ZNF254: variants seen among roughly 807,000 people sequenced by gnomAD.
ZNF254 encodes zinc finger protein 254.
Under a neutral mutation model 12.4 loss-of-function variants are expected in ZNF254, and 10 were observed. The ratio of observed to expected loss-of-function variants is 0.80; its 90% CI spans 0.50 to 1.36. ZNF254 has a LOEUF of 1.36. Among genes scored for constraint, ZNF254 ranks in the 40% most tolerant of loss-of-function variants. ZNF254 has a pLI of 0.00. For missense variants in ZNF254, 996 were observed against 763.9 expected, an observed-to-expected ratio of 1.30 and a Z score of -3.58; for synonymous variants, 305 against 253.4, an observed-to-expected ratio of 1.20 and a Z score of -1.93.
chr19:24,038,392 T>A (rs942462821), intron 1 of ZNF254, among the ~76,000 whole-genome samples: 1 of 152,220 alleles, frequency 6.6e-6, no homozygotes, highest in Non-Finnish European at 1.5e-5. Context: ...CTGTCAGTTC[T>A]TCTACTTGAG....
intron 1 of ZNF254, chr19:24,104,285 T>G (rs1303275380): frequency 6.6e-6 from 1 of 152,174 alleles, no homozygotes; most frequent in Non-Finnish European, 1.5e-5. Flanking sequence ...TGGGTAGAGT[T>G]TTTGTGTCTT....
At chr19:24,061,654 C>T (rs1267908206) in intron 2 of ZNF254, among the ~76,000 whole-genome samples, 1 of 152,194 alleles carries the variant, frequency 6.6e-6, no homozygotes, top group Admixed American at 6.5e-5. Flanking sequence ...TAATGTCACT[C>T]TCCTGGGTGG....
chr19:24,062,087 C>CAAAAAAAAAAAAA (rs72097158), intron 2 of ZNF254, among the ~76,000 whole-genome samples: 2 of 115,074 alleles, frequency 1.7e-5, no homozygotes, highest in African/African-American at 3.2e-5. Context: ...CTCTGTCTCA[C>CAAAAAAAAAAAAA]AAAAAAAAAA....
chr19:24,106,559 T>C lies in ZNF254; in HGVS notation c.169T>C (p.Ser57Pro). 1.3e-6 allele frequency: 2 copies of C among 1,581,152 alleles called. No homozygotes were observed. Among genetic ancestry groups the C allele is most frequent in the Non-Finnish European group, 1.7e-6 (2 of 1,161,446 alleles). ...RNLAFLGIAV[S>P]KPDLITCLEQ... The stretch of plus-strand genomic sequence containing the variant: ...TTTTAATAAAACAGGTATTGCTGTC[T>C]CTAAGCCAGACCTGATCACCTGTCT... The change falls in exon 3 of 4, where the codon TCT (serine) becomes CCT (proline). Residue 57 changes from serine to proline, a missense_variant. Coordinates refer to ENST00000357002, the MANE Select transcript of ZNF254 (RefSeq NM_203282.4).
rs1974211773 is a variant in ZNF254 at position 24,117,917 on chromosome 19, T to C, written c.254-8337T>C. On this transcript the variant is annotated intron_variant, in intron 3 of 3. Transcript: ENST00000357002. The stretch of plus-strand genomic sequence containing the variant: ...CTTCAAGGTCTTTTGTTGCATATTT[T>C]ATATATAGATTCATAAATGTAATTG... Among the ~76,000 whole-genome samples the C allele has an allele frequency of 2.0e-5, 3 of 152,230 alleles. No homozygotes were observed. In the South Asian group the frequency reaches 6.2e-4, roughly 32 times the overall value.
upstream of ZNF254, among the ~76,000 whole-genome samples, chr19:24,082,483 A>G (rs1378846852): frequency 2.2e-5 from 2 of 89,018 alleles, no homozygotes; most frequent in Non-Finnish European, 4.4e-5. Flanking sequence ...CATCTATACT[A>G]AAAAAAAAAA....
intron 2 of ZNF254, among the ~76,000 whole-genome samples, chr19:24,063,020 T>TG (rs1333964581): frequency 6.8e-6 from 1 of 147,234 alleles, no homozygotes; most frequent in Non-Finnish European, 1.5e-5. Context: ...AGGCTGGTCT[T>TG]GAACTCCTGA....
chr19:24,111,278 G>C (rs1249017542), intron 3 of ZNF254, among the ~76,000 whole-genome samples: 1 of 152,108 alleles, frequency 6.6e-6, no homozygotes, highest in Non-Finnish European at 1.5e-5. Flanking sequence ...CAAAGGACAT[G>C]AACTCATCAT....
chr19:24,051,681 A>G (rs773195401), intron 2 of ZNF254, among the ~76,000 whole-genome samples: 17 of 151,796 alleles, frequency 1.1e-4, no homozygotes, highest in Non-Finnish European at 2.1e-4. Flanking sequence ...AGGTAATGCA[A>G]CTCTCCTGCA....
chr19:24,087,985 G>A (rs1252774679), intron 1 of ZNF254, among the ~76,000 whole-genome samples: 1 of 143,474 alleles, frequency 7.0e-6, no homozygotes, highest in African/African-American at 2.6e-5. Flanking sequence ...GTGTGATCTC[G>A]ACTCACTGCA....
At chr19:24,093,255 G>C (rs1972496809) in intron 1 of ZNF254, among the ~76,000 whole-genome samples, 1 of 152,006 alleles carries the variant, frequency 6.6e-6, no homozygotes, top group Non-Finnish European at 1.5e-5. Flanking sequence ...TGTTTTCTGT[G>C]TTGATAGTTT....
chr19:24,053,323 G>A (rs766361947), intron 2 of ZNF254, among the ~76,000 whole-genome samples: 5 of 152,148 alleles, frequency 3.3e-5, no homozygotes, highest in Admixed American at 6.5e-5. Flanking sequence ...AGGGTATTTT[G>A]TCTCATACCT....
At chr19:24,039,965 AG>A (rs1310924584) in intron 1 of ZNF254, among the ~76,000 whole-genome samples, 1 of 152,234 alleles carries the variant, frequency 6.6e-6, no homozygotes, top group Non-Finnish European at 1.5e-5. Flanking sequence ...GTCGGTTGTT[AG>A]TGTGTCATGC....
At chr19:24,055,253 GCA>G (rs200436439) in intron 2 of ZNF254, among the ~76,000 whole-genome samples, 1 of 111,052 alleles carries the variant, frequency 9.0e-6, no homozygotes, top group Non-Finnish European at 1.7e-5. Flanking sequence ...ACAAGACCCA[GCA>G]CACAGAGGAG....
intron 1 of ZNF254, among the ~76,000 whole-genome samples, chr19:24,042,885 G>A (rs539832773): frequency 1.3e-5 from 2 of 152,320 alleles, no homozygotes; most frequent in Non-Finnish European, 2.9e-5. Context: ...TTTCTGCCAA[G>A]TTTCTTCACT....
At chr19:24,100,172 T>C (rs547541282) in intron 1 of ZNF254, among the ~76,000 whole-genome samples, 59 of 152,294 alleles carry the variant, frequency 3.9e-4, no homozygotes, top group African/African-American at 1.2e-3. Context: ...CATGACTCTT[T>C]TATCTTCAGA....
At chr19:24,070,205 C>T (rs1441331942) in intron 2 of ZNF254, among the ~76,000 whole-genome samples, 1 of 152,188 alleles carries the variant, frequency 6.6e-6, no homozygotes, top group African/African-American at 2.4e-5. Context: ...CATGTACTAT[C>T]AAGGGTCCAT....
chr19:24,088,661 AT>A (rs1972174677), intron 1 of ZNF254, among the ~76,000 whole-genome samples: 1 of 151,618 alleles, frequency 6.6e-6, no homozygotes, highest in South Asian at 2.1e-4. Context: ...ATTTATTTTA[AT>A]TTTTGAGACA....
chr19:24,049,614 T>G (rs1217494149), intron 2 of ZNF254: 1 of 152,046 alleles, frequency 6.6e-6, no homozygotes, highest in African/African-American at 2.4e-5. Context: ...TGCTGGGTCT[T>G]GTACCCAGGT....
Sources: allele counts gnomAD v4.1 joint callset (sites outside exome capture counted in the v4.1 genomes callset), GRCh38; gene constraint gnomAD v4.1.1; transcripts MANE v1.5; gene names NCBI Gene and HGNC (gene_info 2026-07-23, HGNC 2026-07-21).